ABTB2: variants seen among roughly 807,000 people sequenced by gnomAD.
The protein encoded by ABTB2 is ankyrin repeat and BTB domain containing 2.
ABTB2 carries 56 observed loss-of-function variants against 104.1 expected under a neutral mutation model. The ratio of observed to expected loss-of-function variants is 0.54; its 90% CI spans 0.43 to 0.67. The LOEUF is 0.67. Among genes scored for constraint, ABTB2 ranks in the 30% least tolerant of loss-of-function variants. The pLI is 0.00. For synonymous variants in ABTB2, 606 were observed against 608.2 expected (o/e 1.00, Z 0.05); for missense variants, 1,279 against 1,407.7 (o/e 0.91, Z 1.46).
intron 1 of ABTB2, among the ~76,000 whole-genome samples, chr11:34,288,786 G>A (rs1011166704): frequency 2.6e-5 from 4 of 152,098 alleles, no homozygotes; most frequent in Admixed American, 6.6e-5. Context: ...AGGTATAGGG[G>A]CTGTGACAGA....
chr11:34,287,947 C>T (rs540971848), intron 1 of ABTB2, among the ~76,000 whole-genome samples: 6 of 152,278 alleles, frequency 3.9e-5, no homozygotes, highest in African/African-American at 1.4e-4. Flanking sequence ...TCACTTAGAA[C>T]ATGATGGCCA....
chr11:34,265,925 C>A (rs1266507311), intron 1 of ABTB2, among the ~76,000 whole-genome samples: 2 of 151,826 alleles, frequency 1.3e-5, no homozygotes, highest in African/African-American at 4.8e-5. Context: ...GCCAAGATCA[C>A]GCCACTGCAT....
chr11:34,205,898 G>A (rs778975640), intron 1 of ABTB2, among the ~76,000 whole-genome samples: 4 of 152,194 alleles, frequency 2.6e-5, no homozygotes, highest in Non-Finnish European at 5.9e-5. Flanking sequence ...GAGATAACTA[G>A]AGTACCTAGC....
At chr11:34,295,740 G>A (rs1179453657) in intron 1 of ABTB2, among the ~76,000 whole-genome samples, 1 of 152,202 alleles carries the variant, frequency 6.6e-6, no homozygotes. Flanking sequence ...GTGCCAGCAT[G>A]GCTGGGTTCT....
At chr11:34,330,079 T>A (rs1855111737) in intron 1 of ABTB2, among the ~76,000 whole-genome samples, 1 of 152,120 alleles carries the variant, frequency 6.6e-6, no homozygotes, top group Non-Finnish European at 1.5e-5. Flanking sequence ...GATAAACAGG[T>A]CTTGGGTAAC....
chr11:34,182,492 TTC>T (rs1853040170), intron 3 of ABTB2, among the ~76,000 whole-genome samples: 1 of 95,336 alleles, frequency 1.0e-5, no homozygotes, highest in African/African-American at 5.4e-5. Context: ...GGGCATTGGG[TTC>T]TCTGGGGGGG....
chr11:34,327,242 A>C (rs1453809407), intron 1 of ABTB2, among the ~76,000 whole-genome samples: 1 of 152,270 alleles, frequency 6.6e-6, no homozygotes, highest in African/African-American at 2.4e-5. Flanking sequence ...TATCAAAAGA[A>C]AGCTGGAGTG....
Position 34,158,410 on chromosome 11 carries a change from C to CA in ABTB2, c.2697+885dup, listed in dbSNP as rs200582871. Reference sequence around the variant, plus strand: ...CCTGGGCGACAGTGAGACTCCGTGTCAAAAAAAACAAAAAAAAGCCATTTT... The same window carrying CA: ...CCTGGGCGACAGTGAGACTCCGTGTCAAAAAAAAACAAAAAAAAGCCATTTT... On this transcript the variant is annotated intron_variant, in intron 14 of 16. Transcript: ENST00000435224. Among the ~76,000 whole-genome samples the CA allele has an allele frequency of 8.8e-3, 1,322 of 150,918 alleles. 19 individuals are homozygous for CA. The highest frequency in any genetic ancestry group is 0.03 in the African/African-American group (1,231 of 41,160).
Position 34,303,832 on chromosome 11 carries a change from G to A in ABTB2, c.883+52869C>T, listed in dbSNP as rs367972978. On this transcript the variant is annotated intron_variant, in intron 1 of 16. Transcript: ENST00000435224. ...TAATTTTTGTATTTTTAGTAGAGACGGGATTTCACCATGTTGGCCAGGCTG... is the reference window on the plus strand; with the variant it reads ...TAATTTTTGTATTTTTAGTAGAGACAGGATTTCACCATGTTGGCCAGGCTG... 5.3e-5 allele frequency among the ~76,000 whole-genome samples: 8 copies of A among 151,850 alleles called. No homozygotes were observed. The South Asian group carries it at 6.3e-4, about 12-fold the overall frequency.
chr11:34,292,647 A>G (rs1048221174), intron 1 of ABTB2, among the ~76,000 whole-genome samples: 8 of 152,240 alleles, frequency 5.3e-5, no homozygotes, highest in African/African-American at 1.9e-4. Context: ...AAGAAAATAC[A>G]GGTATGGCAG....
At chr11:34,297,835 G>A (rs1002578822) in intron 1 of ABTB2, among the ~76,000 whole-genome samples, 3 of 151,338 alleles carry the variant, frequency 2.0e-5, no homozygotes, top group Admixed American at 6.6e-5. Context: ...TGTTGCCGAC[G>A]TGATGGTATT....
In ABTB2 at chr11:34,287,422, G is replaced by A. The variant is rs377766231; in HGVS notation, c.883+69279C>T. Among the ~76,000 whole-genome samples, 6 of 152,198 alleles carry A rather than the reference G, an allele frequency of 3.9e-5. No individual in the cohort carries two copies. In the South Asian group the frequency reaches 6.2e-4, roughly 16 times the overall value. ...AAAAATACAAAAATTAATGATGTGC[G>A]CCTGTAGTCCCAGCTACTCAGGACT... On this transcript the variant is annotated intron_variant, in intron 1 of 16. Transcript: ENST00000435224.
chr11:34,197,241 A>C, intron 3 of ABTB2, 84 bp downstream of exon 3: 1 of 1,455,752 alleles, frequency 6.9e-7, no homozygotes, highest in Admixed American at 1.7e-5. Context: ...CCTGTTGGTC[A>C]GTCGTCAGTC....
intron 1 of ABTB2, among the ~76,000 whole-genome samples, chr11:34,249,008 A>C (rs545542250): frequency 2.6e-5 from 4 of 152,236 alleles, no homozygotes; most frequent in African/African-American, 9.6e-5. Flanking sequence ...CACATGCTGT[A>C]ATCCCAGCTA....
intron 1 of ABTB2, among the ~76,000 whole-genome samples, chr11:34,218,846 C>CAA (rs35803950): frequency 4.3e-4 from 26 of 60,978 alleles, no homozygotes; most frequent in African/African-American, 6.3e-4. Flanking sequence ...AACTCCATCT[C>CAA]AAAAAAAAAA....
chr11:34,159,755 G>T (rs1054720461), intron 13 of ABTB2, 151 bp downstream of exon 13: 7 of 668,044 alleles, frequency 1.0e-5, no homozygotes, highest in African/African-American at 9.0e-5. Flanking sequence ...TCCCGCTGTG[G>T]GGCGAGTGGG....
chr11:34,302,552 G>A (rs902644963), intron 1 of ABTB2, among the ~76,000 whole-genome samples: 2 of 152,190 alleles, frequency 1.3e-5, no homozygotes, highest in Non-Finnish European at 2.9e-5. Context: ...ACACTGCCAA[G>A]ACCTGAAATC....
chr11:34,274,560 T>TACACAC (rs3830969), intron 1 of ABTB2, among the ~76,000 whole-genome samples: 12,998 of 146,296 alleles, frequency 0.089, 580 homozygotes, highest in Non-Finnish European at 0.11. Context: ...GATTGGAATA[T>TACACAC]ACACACACAC....
At chr11:34,199,501 C>T (rs944225877) in intron 2 of ABTB2, among the ~76,000 whole-genome samples, 3 of 152,154 alleles carry the variant, frequency 2.0e-5, no homozygotes, top group African/African-American at 7.2e-5. Flanking sequence ...GTAGAAGTTC[C>T]CTCAGTGATT....
Sources: gnomAD v4.1 joint callset for allele counts (sites outside exome capture counted in the v4.1 genomes callset) on GRCh38, gnomAD v4.1.1 for gene constraint, MANE v1.5 for transcripts, NCBI Gene and HGNC (gene_info 2026-07-23, HGNC 2026-07-21) for gene names.